GPR143: variants seen among roughly 807,000 people sequenced by gnomAD.
GPR143 encodes the protein G-protein coupled receptor 143.
Under a neutral mutation model 27.6 loss-of-function variants are expected in GPR143, and 8 were observed. That is an observed-to-expected ratio of 0.29 (90% CI 0.17 to 0.52). The LOEUF (loss-of-function observed/expected upper bound fraction) is 0.52, where lower values mean the gene tolerates loss of function less well. GPR143 is among the 20% of genes least tolerant of loss of function. GPR143 has a pLI of 0.96. For synonymous variants in GPR143, 156 were observed against 153.2 expected, an observed-to-expected ratio of 1.02 and a Z score of -0.13; for missense variants, 303 against 343.1, an observed-to-expected ratio of 0.88 and a Z score of 0.92.
chrX:9,753,952 C>T (rs1173439834), intron 3 of GPR143, among the ~76,000 whole-genome samples: 1 of 111,818 alleles, frequency 8.9e-6, no homozygotes, highest in Admixed American at 9.6e-5. Context: ...ACACCCCACC[C>T]CGTTTCCCCC....
At position 9,775,548 on chromosome X, in the gene GPR143, A is replaced by G. The variant is rs190151322; in HGVS notation, c.-3+10694T>C. ...ATCCCTTCTTAATGCATGAGGCACCAGCAGAGGGGAAGGAACTCGTCTAAG... is the reference window on the plus strand; with the variant it reads ...ATCCCTTCTTAATGCATGAGGCACCGGCAGAGGGGAAGGAACTCGTCTAAG... On this transcript the variant is annotated intron_variant, in intron 1 of 7. Coordinates refer to the GPR143 transcript ENST00000447366. Among the ~76,000 whole-genome samples the G allele has an allele frequency of 7.4e-3, 824 of 112,091 alleles. 7 individuals carry two copies. Among genetic ancestry groups the G allele is most frequent in the African/African-American group, 0.025 (771 of 30,891 alleles).
Position 9,742,877 on chromosome X carries a change from C to T in GPR143, c.767+688G>A, listed in dbSNP as rs554979214. ...ATCCCAGTACTTTGGGAGGCCTAGA[C>T]GGGTGGATCACTTGAGGTCAGGAGT... On this transcript the variant is annotated intron_variant, in intron 6 of 8. Transcript: ENST00000467482. Among the ~76,000 whole-genome samples the T allele has an allele frequency of 4.8e-4, 54 of 111,445 alleles. 1 individual carries two copies. Among genetic ancestry groups the T allele is most frequent in the African/African-American group, 1.6e-3 (48 of 30,582 alleles).
chrX:9,733,416 T>C (rs111790738), intron 8 of GPR143, among the ~76,000 whole-genome samples: 4 of 102,063 alleles, frequency 3.9e-5, no homozygotes, highest in African/African-American at 1.4e-4. Flanking sequence ...TGGGAGAAAA[T>C]AGTAATTGTG....
intron 6 of GPR143, among the ~76,000 whole-genome samples, chrX:9,741,958 A>G (rs748403547): frequency 1.8e-5 from 2 of 111,889 alleles, no homozygotes; most frequent in East Asian, 5.6e-4. Flanking sequence ...TTTAAAAAAC[A>G]TAATTCGTTT....
upstream of GPR143, among the ~76,000 whole-genome samples, chrX:9,766,972 A>C (rs1026800679): frequency 2.7e-5 from 3 of 110,327 alleles, no homozygotes; most frequent in Admixed American, 2.9e-4. Flanking sequence ...ATTTAAAAAC[A>C]TTAAAAAAAT....
At chrX:9,736,450 C>T (rs1041610748) in intron 8 of GPR143, among the ~76,000 whole-genome samples, 10 of 110,824 alleles carry the variant, frequency 9.0e-5, no homozygotes, top group Non-Finnish European at 1.7e-4. Flanking sequence ...TCAGTAGCAC[C>T]GCCACTTTAT....
At chrX:9,740,022 G>C (rs1171260823) in intron 7 of GPR143, among the ~76,000 whole-genome samples, 3 of 109,647 alleles carry the variant, frequency 2.7e-5, no homozygotes, top group Admixed American at 1.9e-4. Flanking sequence ...GGACAAGAGA[G>C]AGGAGGGAAG....
chrX:9,773,601 G>A (rs1318098156), intron 1 of GPR143, among the ~76,000 whole-genome samples: 1 of 111,178 alleles, frequency 9.0e-6, no homozygotes, highest in African/African-American at 3.3e-5. Context: ...GCCCTGGAGT[G>A]GTGCTTCACA....
chrX:9,734,817 C>T (rs2083371820), intron 8 of GPR143, among the ~76,000 whole-genome samples: 1 of 112,015 alleles, frequency 8.9e-6, no homozygotes, highest in African/African-American at 3.2e-5. Flanking sequence ...CCACCCAGTC[C>T]CCACCCCTCC....
chrX:9,756,695 A>G (rs2083475347), intron 3 of GPR143, among the ~76,000 whole-genome samples: 1 of 112,741 alleles, frequency 8.9e-6, no homozygotes, highest in Non-Finnish European at 1.9e-5. Flanking sequence ...ACCAATTCAC[A>G]CATGCTAGGA....
Position 9,728,582 on chromosome X carries a change from G to A in GPR143, c.1121-2742C>T, listed in dbSNP as rs186316366. ...TGTAACCCTAGCACTTTGGGAGACC[G>A]AGTCAGGAGGAGTGCTTGAGTGTGA... is the stretch of plus-strand genomic sequence containing the variant. On this transcript the variant is annotated intron_variant, in intron 8 of 8. Coordinates refer to ENST00000467482, the MANE Select transcript of GPR143 (RefSeq NM_000273.3). 5.5e-5 allele frequency among the ~76,000 whole-genome samples: 5 copies of A among 91,349 alleles called. No homozygotes were observed. In the Admixed American group the frequency reaches 6.4e-4, roughly 12 times the overall value. The allele number at this position is 91,349 out of a possible 115,157, so 79.3% of individuals were successfully genotyped here.
intron 8 of GPR143, among the ~76,000 whole-genome samples, chrX:9,737,010 A>C (rs1216977828): frequency 8.9e-6 from 1 of 112,394 alleles, no homozygotes. Flanking sequence ...TATTAACAGA[A>C]TAAGAGTGGG....
upstream of GPR143, among the ~76,000 whole-genome samples, chrX:9,769,570 TAATA>T (rs1210212942): frequency 5.4e-5 from 6 of 112,147 alleles, no homozygotes; most frequent in Non-Finnish European, 1.1e-4. Flanking sequence ...TGAATTTAAA[TAATA>T]AATAAGATTT....
chrX:9,727,890 C>T (rs1225113640), intron 8 of GPR143, among the ~76,000 whole-genome samples: 2 of 112,887 alleles, frequency 1.8e-5, no homozygotes, highest in African/African-American at 6.4e-5. Flanking sequence ...CCCTCTCACT[C>T]CAGGCTTGGT....
upstream of GPR143, among the ~76,000 whole-genome samples, chrX:9,767,434 C>T (rs2083539574): frequency 9.1e-6 from 1 of 110,357 alleles, no homozygotes; most frequent in South Asian, 3.9e-4. Flanking sequence ...ACTTGTTCTC[C>T]CCACCAGCTT....
chrX:9,733,327 G>A (rs768458608), intron 8 of GPR143, among the ~76,000 whole-genome samples: 10 of 111,708 alleles, frequency 9.0e-5, no homozygotes, highest in African/African-American at 1.6e-4. Context: ...ACAGAATTGC[G>A]GGAAAGACAA....
chrX:9,760,965 G>A (rs2083496414), intron 1 of GPR143, 139 bp from the exon 2 acceptor site: 2 of 439,194 alleles, frequency 4.6e-6, no homozygotes, highest in South Asian at 4.0e-5. Flanking sequence ...AAAGGAGGGA[G>A]GGAGAGAGGG....
chrX:9,763,630 G>A (rs747229746), intron 1 of GPR143, among the ~76,000 whole-genome samples: 8 of 111,742 alleles, frequency 7.2e-5, no homozygotes, highest in South Asian at 3.8e-4. Flanking sequence ...CAGATGAGCC[G>A]GGTACCCGTA....
intron 4 of GPR143, 112 bp downstream of exon 4, chrX:9,748,462 G>T: frequency 1.8e-6 from 1 of 550,177 alleles, no homozygotes; most frequent in Non-Finnish European, 3.3e-6. Context: ...CTGAGACAAC[G>T]GCCTAACCTC....
Sources: gnomAD v4.1 joint callset for allele counts (sites outside exome capture counted in the v4.1 genomes callset) on GRCh38, gnomAD v4.1.1 for gene constraint, MANE v1.5 for transcripts, NCBI Gene and HGNC (gene_info 2026-07-23, HGNC 2026-07-21) for gene names.